Variants in RUNX2 observed in about 807,000 individuals in gnomAD.
The protein encoded by RUNX2 is runt-related transcription factor 2.
A neutral mutation model predicts 51.7 loss-of-function variants in RUNX2; 10 were observed. The ratio of observed to expected loss-of-function variants is 0.19; its 90% CI spans 0.12 to 0.33. RUNX2 has a LOEUF of 0.33. Among genes scored for constraint, RUNX2 ranks in the 10% least tolerant of loss-of-function variants. The pLI, the probability that RUNX2 is intolerant of heterozygous loss-of-function variation, is 1.00. For synonymous variants in RUNX2, 276 were observed against 273.6 expected, an observed-to-expected ratio of 1.01 and a Z score of -0.09; for missense variants, 562 against 691.3, an observed-to-expected ratio of 0.81 and a Z score of 2.10.
chr6:45,546,343 C>G (rs1319702359), intron 8 of RUNX2, among the ~76,000 whole-genome samples: 3 of 152,012 alleles, frequency 2.0e-5, no homozygotes, highest in African/African-American at 7.2e-5. Flanking sequence ...TTTTGATGTT[C>G]CTTCATTGAT....
In RUNX2 at chr6:45,485,697, GTA is replaced by G. The variant is rs10677574; in HGVS notation, c.686-6225_686-6224del. ...TATGTGTGTGTGTGTGTGTGTGTGTGTATATATATATATATATATACACATAT... is the reference window on the plus strand; with the variant it reads ...TATGTGTGTGTGTGTGTGTGTGTGTGTATATATATATATATATACACATAT... On this transcript the variant is annotated intron_variant, in intron 5 of 8. Coordinates refer to ENST00000647337, the MANE Select transcript of RUNX2 (RefSeq NM_001024630.4). Among the ~76,000 whole-genome samples, 411 of 103,904 alleles carry G rather than the reference GTA, an allele frequency of 4.0e-3. 3 individuals carry two copies. The highest frequency in any genetic ancestry group is 9.2e-3 in the African/African-American group (241 of 26,294). 68.2% of individuals were successfully genotyped at this position (103,904 alleles called of 152,430 possible).
rs139502457 is a variant in RUNX2, at chr6:45,460,054, G to A, written c.685+22003G>A. On this transcript the variant is annotated intron_variant, in intron 5 of 8. Transcript: ENST00000647337. ...GATAGTTGGGGGCAGAGAATGGTGC[G>A]TGGAAGGCACAGATCAAGTAGGAGC... Among the ~76,000 whole-genome samples the A allele has an allele frequency of 2.2e-4, 34 of 152,334 alleles. No individual in the cohort carries two copies. In the East Asian group the frequency reaches 3.9e-3, roughly 17 times the overall value.
At chr6:45,464,207 T>A (rs981908554) in intron 5 of RUNX2, among the ~76,000 whole-genome samples, 13 of 149,294 alleles carry the variant, frequency 8.7e-5, no homozygotes, top group African/African-American at 1.2e-4. Flanking sequence ...AAAAAAAAAA[T>A]GTTTACAACA....
intron 7 of RUNX2, among the ~76,000 whole-genome samples, chr6:45,520,944 G>A (rs1222695345): frequency 6.6e-6 from 1 of 152,284 alleles, no homozygotes; most frequent in Non-Finnish European, 1.5e-5. Context: ...GCGAACTCCT[G>A]ACCTCAGTTG....
chr6:45,479,538 C>G (rs897621456), intron 5 of RUNX2, among the ~76,000 whole-genome samples: 1 of 152,080 alleles, frequency 6.6e-6, no homozygotes, highest in Non-Finnish European at 1.5e-5. Context: ...TTATTCCTCT[C>G]TGTACACATA....
intron 5 of RUNX2, among the ~76,000 whole-genome samples, chr6:45,474,672 G>A (rs1563102515): frequency 6.6e-6 from 1 of 152,044 alleles, no homozygotes; most frequent in Admixed American, 6.6e-5. Flanking sequence ...GTTGAGTCCA[G>A]CTTTTCATTT....
In RUNX2 at chr6:45,451,006, C is replaced by T. The variant is rs147253918; in HGVS notation, c.685+12955C>T. 2.4e-4 allele frequency among the ~76,000 whole-genome samples: 37 copies of T among 152,294 alleles called. No individual in the cohort carries two copies. In the East Asian group the frequency reaches 3.9e-3, roughly 16 times the overall value. ...TCACCAGGTGCCTGAGATTCTTCTT[C>T]GAGTTAAGGCTTCGAGGACAGGATG... On this transcript the variant is annotated intron_variant, in intron 5 of 8. Coordinates refer to ENST00000647337, the MANE Select transcript of RUNX2 (RefSeq NM_001024630.4).
intron 6 of RUNX2, among the ~76,000 whole-genome samples, chr6:45,503,347 A>C (rs760946891): frequency 1.3e-5 from 2 of 152,162 alleles, no homozygotes; most frequent in Non-Finnish European, 2.9e-5. Flanking sequence ...TACCTGATAC[A>C]TATTTTTTTG....
intron 1 of RUNX2, 50 bp downstream of exon 1, chr6:45,328,510 T>G (rs766020703): frequency 6.0e-5 from 93 of 1,544,756 alleles, no homozygotes; most frequent in Non-Finnish European, 7.9e-5. Flanking sequence ...GTCCTTCAAA[T>G]ATTTGCTCAT....
chr6:45,505,192 A>G (rs1265852552), intron 6 of RUNX2, among the ~76,000 whole-genome samples: 3 of 152,058 alleles, frequency 2.0e-5, no homozygotes, highest in African/African-American at 7.3e-5. Context: ...CACATGTTTA[A>G]CCAAAGTGTT....
intron 5 of RUNX2, among the ~76,000 whole-genome samples, chr6:45,443,871 T>A (rs1798911115): frequency 6.6e-6 from 1 of 152,168 alleles, no homozygotes; most frequent in African/African-American, 2.4e-5. Context: ...AGGTTTTTTT[T>A]CAATTTTTAA....
chr6:45,510,657 A>T (rs889116276), intron 6 of RUNX2, among the ~76,000 whole-genome samples: 1 of 152,094 alleles, frequency 6.6e-6, no homozygotes, highest in East Asian at 1.9e-4. Flanking sequence ...ATGTGTAGGG[A>T]TAATTTGAAA....
intron 5 of RUNX2, among the ~76,000 whole-genome samples, chr6:45,441,447 T>A (rs1209137717): frequency 6.6e-6 from 1 of 152,232 alleles, no homozygotes; most frequent in Non-Finnish European, 1.5e-5. Context: ...TATGTGAGAA[T>A]GATAATACCT....
intron 7 of RUNX2, among the ~76,000 whole-genome samples, chr6:45,523,793 G>A (rs933108605): frequency 4.6e-5 from 7 of 151,736 alleles, no homozygotes; most frequent in Admixed American, 1.3e-4. Flanking sequence ...TTAGCCAGGC[G>A]TGGTGGCACA....
chr6:45,535,521 G>C (rs1448458544), intron 7 of RUNX2, among the ~76,000 whole-genome samples: 1 of 151,732 alleles, frequency 6.6e-6, no homozygotes, highest in Admixed American at 6.6e-5. Context: ...GAAGAATGGC[G>C]TGAACCCGGG....
intron 5 of RUNX2, among the ~76,000 whole-genome samples, chr6:45,485,072 C>A (rs922683616): frequency 6.6e-6 from 1 of 152,128 alleles, no homozygotes; most frequent in African/African-American, 2.4e-5. Context: ...TAGCTCATGT[C>A]TCCCCAGTTA....
intron 5 of RUNX2, among the ~76,000 whole-genome samples, chr6:45,478,756 A>T (rs1800029230): frequency 6.6e-6 from 1 of 152,176 alleles, no homozygotes; most frequent in Admixed American, 6.5e-5. Context: ...ACAGATGAGA[A>T]AATTCTGTAC....
chr6:45,539,842 C>T (rs1364604601), intron 7 of RUNX2, among the ~76,000 whole-genome samples: 1 of 152,138 alleles, frequency 6.6e-6, no homozygotes, highest in African/African-American at 2.4e-5. Context: ...TTTGCTTCCT[C>T]TTTAGTTGGA....
intron 4 of RUNX2, among the ~76,000 whole-genome samples, chr6:45,436,938 A>G (rs1798701215): frequency 6.6e-6 from 1 of 152,154 alleles, no homozygotes; most frequent in African/African-American, 2.4e-5. Flanking sequence ...CTGGCCTGAG[A>G]TTGCTGAATG....
Sources: gnomAD v4.1 joint callset for allele counts (sites outside exome capture counted in the v4.1 genomes callset) on GRCh38, gnomAD v4.1.1 for gene constraint, MANE v1.5 for transcripts, NCBI Gene and HGNC (gene_info 2026-07-23, HGNC 2026-07-21) for gene names.